The following SPIRE1 variants were observed in gnomAD, a reference collection of about 807,000 sequenced individuals.
SPIRE1 encodes protein spire homolog 1.
In SPIRE1, 40 loss-of-function variants were observed where a neutral mutation model predicts 94.1. That is an observed-to-expected ratio of 0.43 (90% CI 0.33 to 0.55). SPIRE1 has a LOEUF of 0.55. Ranked by LOEUF, SPIRE1 falls within the 20% of genes least tolerant of loss-of-function variation. The probability of loss-of-function intolerance (pLI) is 0.06; values close to 1 mark genes in which losing one functional copy is unlikely to be tolerated. For missense variants in SPIRE1, 838 were observed against 975.2 expected (o/e 0.86, Z 1.87); for synonymous variants, 376 against 371.7 (o/e 1.01, Z -0.13).
intron 4 of SPIRE1, among the ~76,000 whole-genome samples, chr18:12,525,092 C>T (rs1018664169): frequency 2.6e-5 from 4 of 151,252 alleles, no homozygotes; most frequent in Non-Finnish European, 5.9e-5. Flanking sequence ...CTGGCTAACA[C>T]GGTGAAACCC....
At chr18:12,506,968 C>T (rs1477422781) in intron 5 of SPIRE1, among the ~76,000 whole-genome samples, 1 of 152,120 alleles carries the variant, frequency 6.6e-6, no homozygotes. Flanking sequence ...TTTCCCACAC[C>T]CTGACTTTGG....
chr18:12,454,587 G>A (rs1053887743), intron 12 of SPIRE1, 104 bp from the exon 13 acceptor site: 1 of 1,099,754 alleles, frequency 9.1e-7, no homozygotes, highest in Admixed American at 1.8e-5. Flanking sequence ...TCAGAGAAGA[G>A]AACAGGTTTC....
Position 12,546,764 on chromosome 18 carries a change from A to C in SPIRE1, c.513T>G (p.Asp171Glu), listed in dbSNP as rs1180638691. The change falls in exon 3 of 17, where the codon GAT (aspartate) becomes GAG (glutamate). Residue 171 changes from aspartate (D) to glutamate (E), a missense_variant. This residue lies in a region of SPIRE1 where 645 missense variants were observed against 804.7 expected (regional missense o/e 0.80). Coordinates refer to ENST00000409402, the MANE Select transcript of SPIRE1 (RefSeq NM_001128626.2). The stretch of plus-strand genomic sequence containing the variant: ...CTTCTTCTGCAGCCTCATAGCCCTC[A>C]TCATTGCTACCGTCAGCTTCCACCG... ...ANTVEADGSN[D>E]EGYEAAEEGL... 6.2e-7 allele frequency: 1 copy of C among 1,614,100 alleles called. No individual in the cohort carries two copies. Among genetic ancestry groups the C allele is most frequent in the Non-Finnish European group, 8.5e-7 (1 of 1,180,010 alleles).
chr18:12,649,858 T>G (rs2038327833), intron 1 of SPIRE1, among the ~76,000 whole-genome samples: 1 of 152,174 alleles, frequency 6.6e-6, no homozygotes, highest in African/African-American at 2.4e-5. Flanking sequence ...ACAAATACAT[T>G]ATTCCAAAAT....
chr18:12,657,367 G>A (rs1009413059), intron 1 of SPIRE1, among the ~76,000 whole-genome samples, 163 bp downstream of exon 1: 1 of 152,188 alleles, frequency 6.6e-6, no homozygotes, highest in African/African-American at 2.4e-5. Flanking sequence ...GCCACGGCCT[G>A]ACGCCGTCCT....
intron 3 of SPIRE1, among the ~76,000 whole-genome samples, chr18:12,539,583 A>ACG (rs2034950837): frequency 6.9e-6 from 1 of 144,760 alleles, no homozygotes; most frequent in Non-Finnish European, 1.5e-5. Context: ...ACATACACAC[A>ACG]CACGCACACA....
At chr18:12,564,393 A>C (rs1186901579) in intron 2 of SPIRE1, among the ~76,000 whole-genome samples, 1 of 152,224 alleles carries the variant, frequency 6.6e-6, no homozygotes, top group Non-Finnish European at 1.5e-5. Context: ...ATAAGGAGAA[A>C]GACAGTTATG....
chr18:12,621,136 A>G (rs548130558), intron 2 of SPIRE1, among the ~76,000 whole-genome samples: 1 of 152,168 alleles, frequency 6.6e-6, no homozygotes, highest in East Asian at 1.9e-4. Context: ...TAGGCTCAAC[A>G]TCATTAGCTA....
At chr18:12,593,884 G>A (rs969435490) in intron 2 of SPIRE1, among the ~76,000 whole-genome samples, 14 of 151,974 alleles carry the variant, frequency 9.2e-5, no homozygotes, top group African/African-American at 2.4e-4. Flanking sequence ...CCCGGGAGGC[G>A]GAGCTTGCGG....
chr18:12,484,471 AC>A (rs766192526), intron 9 of SPIRE1, among the ~76,000 whole-genome samples: 3 of 152,210 alleles, frequency 2.0e-5, no homozygotes, highest in Non-Finnish European at 4.4e-5. Flanking sequence ...CATGCCTGAG[AC>A]CTACACAAAT....
intron 5 of SPIRE1, among the ~76,000 whole-genome samples, chr18:12,508,034 T>C (rs2033895261): frequency 6.6e-6 from 1 of 150,930 alleles, no homozygotes; most frequent in South Asian, 2.1e-4. Context: ...TAGTCCCAGC[T>C]ACTCAGGAGG....
intron 2 of SPIRE1, among the ~76,000 whole-genome samples, chr18:12,631,445 C>T (rs911764708): frequency 2.1e-5 from 3 of 144,558 alleles, no homozygotes; most frequent in Non-Finnish European, 4.5e-5. Context: ...GGCAAGGTGC[C>T]TCACATTTAT....
At chr18:12,594,462 T>A (rs1286957780) in intron 2 of SPIRE1, among the ~76,000 whole-genome samples, 1 of 152,200 alleles carries the variant, frequency 6.6e-6, no homozygotes, top group Non-Finnish European at 1.5e-5. Flanking sequence ...TTATTGATAA[T>A]CTGTTACTGT....
intron 2 of SPIRE1, among the ~76,000 whole-genome samples, chr18:12,579,730 G>T (rs956676738): frequency 2.6e-5 from 4 of 152,092 alleles, no homozygotes; most frequent in Non-Finnish European, 5.9e-5. Context: ...ACTTGCCAGG[G>T]GTTACAAAAA....
At chr18:12,528,608 C>T (rs1239392717) in intron 4 of SPIRE1, among the ~76,000 whole-genome samples, 1 of 152,128 alleles carries the variant, frequency 6.6e-6, no homozygotes, top group Non-Finnish European at 1.5e-5. Flanking sequence ...AGAACTGGGT[C>T]AGATTGTGAA....
chr18:12,615,545 A>AAAAAAAAAAAAATAAAT (rs1409601530), intron 2 of SPIRE1, among the ~76,000 whole-genome samples: 2 of 146,518 alleles, frequency 1.4e-5, no homozygotes, highest in Non-Finnish European at 3.0e-5. Context: ...ATCTCCACAA[A>AAAAAAAAAAAAATAAAT]AAAAAAAAAA....
At chr18:12,623,320 A>AT (rs2037529435) in intron 2 of SPIRE1, among the ~76,000 whole-genome samples, 1 of 151,784 alleles carries the variant, frequency 6.6e-6, no homozygotes, top group African/African-American at 2.4e-5. Flanking sequence ...CGCCTGGCTG[A>AT]TTTTTTGTAT....
chr18:12,454,258 C>A, intron 13 of SPIRE1, 88 bp downstream of exon 13: 2 of 1,498,838 alleles, frequency 1.3e-6, no homozygotes, highest in Non-Finnish European at 1.8e-6. Context: ...TCTGTGCCAC[C>A]TGGCTAGCAG....
At chr18:12,459,629 TG>T in intron 12 of SPIRE1, 1 of 432,944 alleles carries the variant, frequency 2.3e-6, no homozygotes, top group Non-Finnish European at 3.1e-6. Flanking sequence ...TGCACAAGGG[TG>T]GAATCAATGA....
Sources: gnomAD v4.1 joint callset for allele counts (sites outside exome capture counted in the v4.1 genomes callset) on GRCh38, gnomAD v4.1.1 for gene constraint, gnomAD v4.1.1 regional missense constraint, MANE v1.5 for transcripts, NCBI Gene and HGNC (gene_info 2026-07-23, HGNC 2026-07-21) for gene names.